The following RASA1 variants were observed in gnomAD, a reference collection of about 807,000 sequenced individuals.
The protein encoded by RASA1 is RAS p21 protein activator 1, also known as ras GTPase-activating protein 1.
RASA1 carries 25 observed loss-of-function variants against 132.2 expected under a neutral mutation model. That is an observed-to-expected ratio of 0.19 (90% CI 0.14 to 0.26). RASA1 has a LOEUF of 0.26. RASA1 is among the 10% of genes least tolerant of loss of function. The pLI, the probability that RASA1 is intolerant of heterozygous loss-of-function variation, is 1.00. For missense variants in RASA1, 964 were observed against 1,299.2 expected, an observed-to-expected ratio of 0.74 and a Z score of 3.97; for synonymous variants, 477 against 449.9, an observed-to-expected ratio of 1.06 and a Z score of -0.76.
chr5:87,291,789 G>A (rs1257382788), intron 1 of RASA1, among the ~76,000 whole-genome samples: 2 of 152,156 alleles, frequency 1.3e-5, no homozygotes, highest in African/African-American at 4.8e-5. Context: ...AGCTCCCTGA[G>A]CCTACCCAGA....
chr5:87,292,593 A>G (rs1464495427), intron 1 of RASA1, among the ~76,000 whole-genome samples: 2 of 152,030 alleles, frequency 1.3e-5, no homozygotes, highest in South Asian at 2.1e-4. Context: ...AGTAGTGTCA[A>G]TCCCTCCGAC....
In RASA1 at chr5:87,331,247, C is replaced by G. The variant is rs187755504; in HGVS notation, c.540-101C>G. 9.8e-6 allele frequency: 12 copies of G among 1,223,136 alleles called. No homozygotes were observed. In the African/African-American group the frequency reaches 1.8e-4, roughly 18 times the overall value. 75.8% of individuals were successfully genotyped at this position (1,223,136 alleles called of 1,614,324 possible). A position where few individuals can be genotyped will look rare whatever the true frequency, so the allele number is the denominator to read the frequency against. On this transcript the variant is annotated intron_variant, in intron 1 of 24. Coordinates refer to ENST00000274376, the MANE Select transcript of RASA1 (RefSeq NM_002890.3). ...GAGTAAAATGTAAATGTTTAAGTTACATGTAGGCATTTAAAACCTCTAGTA... is the reference window on the plus strand; with the variant it reads ...GAGTAAAATGTAAATGTTTAAGTTAGATGTAGGCATTTAAAACCTCTAGTA...
chr5:87,332,781 C>A, intron 3 of RASA1, 139 bp downstream of exon 3: 1 of 870,424 alleles, frequency 1.1e-6, no homozygotes, highest in Admixed American at 3.2e-5. Context: ...GTTATAATGT[C>A]AGAACAAAAT....
rs142849030 is a variant in RASA1 at position 87,366,574 on chromosome 5, G to C, written c.1610+3070G>C. ...ATTTACCACTTGCTGTAAGGTTGTAGCTTGCTTCTTGTACAGTTTCTTGTT... is the reference window on the plus strand; with the variant it reads ...ATTTACCACTTGCTGTAAGGTTGTACCTTGCTTCTTGTACAGTTTCTTGTT... On this transcript the variant is annotated intron_variant, in intron 11 of 24. Transcript: ENST00000274376. The C allele has an allele frequency of 2.6e-3, 458 of 177,374 alleles. 6 individuals are homozygous for C. The highest frequency in any genetic ancestry group is 8.7e-3 in the East Asian group (68 of 7,850). The allele number at this position is 177,374 out of a possible 1,614,324, so 11.0% of individuals were successfully genotyped here.
chr5:87,270,557 A>G (rs561996994), intron 1 of RASA1, among the ~76,000 whole-genome samples: 83 of 151,262 alleles, frequency 5.5e-4, no homozygotes, highest in African/African-American at 2.0e-3. Context: ...CATATGGCCA[A>G]ACTGATGTCG....
intron 13 of RASA1, among the ~76,000 whole-genome samples, chr5:87,373,331 A>G (rs976358994): frequency 2.0e-5 from 3 of 152,074 alleles, no homozygotes; most frequent in African/African-American, 7.2e-5. Flanking sequence ...TAATCTAGAG[A>G]TGATTTACGG....
At chr5:87,380,174 A>G (rs1054693654) in intron 19 of RASA1, among the ~76,000 whole-genome samples, 1 of 152,118 alleles carries the variant, frequency 6.6e-6, no homozygotes, top group Non-Finnish European at 1.5e-5. Flanking sequence ...CACTCTGTTA[A>G]TATGCTTGTC....
chr5:87,337,911 G>T, intron 4 of RASA1, 63 bp from the exon 5 acceptor site: 1 of 1,480,872 alleles, frequency 6.8e-7, no homozygotes, highest in South Asian at 1.3e-5. Flanking sequence ...TGTGGTATAT[G>T]ACTATTCTAA....
chr5:87,321,054 A>G (rs906798918), intron 1 of RASA1, among the ~76,000 whole-genome samples: 9 of 152,212 alleles, frequency 5.9e-5, no homozygotes, highest in African/African-American at 2.2e-4. Context: ...GAAAGAGCCT[A>G]TTAGGGAGAT....
At chr5:87,369,973 A>G (rs1196445062) in intron 12 of RASA1, 73 bp downstream of exon 12, 4 of 1,244,302 alleles carry the variant, frequency 3.2e-6, no homozygotes, top group Non-Finnish European at 4.7e-6. Flanking sequence ...TGGAATAGAA[A>G]ATGATCGCAT....
At chr5:87,384,497 T>C (rs918253717) in intron 21 of RASA1, among the ~76,000 whole-genome samples, 2 of 152,150 alleles carry the variant, frequency 1.3e-5, no homozygotes, top group African/African-American at 4.8e-5. Flanking sequence ...AATTTTTACT[T>C]CTATATAGCC....
intron 24 of RASA1, 84 bp downstream of exon 24, chr5:87,389,611 A>T: frequency 6.5e-7 from 1 of 1,535,362 alleles, no homozygotes; most frequent in African/African-American, 1.4e-5. Context: ...TCTGGTTAAC[A>T]TTTTTATCTT....
At position 87,332,614 on chromosome 5, in the gene RASA1, A is replaced by C. The variant is rs936994492; in HGVS notation, c.800A>C (p.Lys267Thr). The change falls in exon 3 of 25, where the codon AAA (lysine) becomes ACA (threonine). Residue 267 changes from lysine (K) to threonine (T), a missense_variant. Physicochemically the swap from Lys to Thr is moderately conservative, Grantham distance 78. This residue lies in a region of RASA1 where 154 missense variants were observed against 286.5 expected (regional missense o/e 0.54). Coordinates refer to ENST00000274376, the MANE Select transcript of RASA1 (RefSeq NM_002890.3). ...SHVSCLLKGE[K>T]LLYPVAPPEP... ...GTTTCTTGTTTGCTTAAAGGAGAAA[A>C]ATTACTTTACCCAGTTGCACCACCA... The C allele has an allele frequency of 3.7e-5, 60 of 1,611,106 alleles. No individual in the cohort carries two copies. Among genetic ancestry groups the C allele is most frequent in the Non-Finnish European group, 5.0e-5 (59 of 1,178,056 alleles).
chr5:87,359,027 C>A (rs1316867821), intron 9 of RASA1, among the ~76,000 whole-genome samples: 3 of 152,168 alleles, frequency 2.0e-5, no homozygotes, highest in African/African-American at 7.2e-5. Flanking sequence ...ACATGTAGTA[C>A]AATTTATTTA....
At chr5:87,383,969 T>C (rs943470892) in intron 21 of RASA1, among the ~76,000 whole-genome samples, 189 bp downstream of exon 21, 6 of 152,068 alleles carry the variant, frequency 3.9e-5, no homozygotes, top group Non-Finnish European at 7.4e-5. Context: ...TTTTGTTTCT[T>C]TTCTTCCATC....
At chr5:87,312,769 C>T (rs1295582307) in intron 1 of RASA1, among the ~76,000 whole-genome samples, 5 of 152,164 alleles carry the variant, frequency 3.3e-5, no homozygotes, top group African/African-American at 9.7e-5. Context: ...TCTTCTTATA[C>T]ACAGGCTCCT....
intron 1 of RASA1, among the ~76,000 whole-genome samples, chr5:87,293,768 G>GCTT (rs1755003972): frequency 6.6e-6 from 1 of 151,986 alleles, no homozygotes; most frequent in Non-Finnish European, 1.5e-5. Context: ...GTCTATTCAA[G>GCTT]ATTTTTTTTT....
intron 1 of RASA1, among the ~76,000 whole-genome samples, chr5:87,270,416 C>T (rs768693768): frequency 6.7e-6 from 1 of 148,612 alleles, no homozygotes; most frequent in Non-Finnish European, 1.5e-5. Context: ...GGCGTGATCT[C>T]GGCTCACTGC....
intron 24 of RASA1, 131 bp downstream of exon 24, chr5:87,389,658 A>G (rs1196235262): frequency 8.2e-7 from 1 of 1,215,832 alleles, no homozygotes; most frequent in Non-Finnish European, 1.2e-6. Context: ...ATCATATTAC[A>G]AAAGATCTCA....
Sources: gnomAD v4.1 joint callset for allele counts (sites outside exome capture counted in the v4.1 genomes callset) on GRCh38, gnomAD v4.1.1 for gene constraint, gnomAD v4.1.1 regional missense constraint, MANE v1.5 for transcripts, NCBI Gene and HGNC (gene_info 2026-07-23, HGNC 2026-07-21) for gene names.